Variants in IL12RB2 observed in about 807,000 individuals in gnomAD.
IL12RB2 encodes interleukin 12 receptor subunit beta 2.
IL12RB2 carries 82 observed loss-of-function variants against 89.4 expected under a neutral mutation model. The ratio of observed to expected loss-of-function variants is 0.92; its 90% CI spans 0.77 to 1.10. The LOEUF (loss-of-function observed/expected upper bound fraction) is 1.10. Among genes scored for constraint, IL12RB2 ranks in the 50% least tolerant of loss-of-function variants. IL12RB2 has a pLI of 0.00. For synonymous variants in IL12RB2, 368 were observed against 370.1 expected, an observed-to-expected ratio of 0.99 and a Z score of 0.07; for missense variants, 963 against 1,031.9, an observed-to-expected ratio of 0.93 and a Z score of 0.92.
chr1:67,352,896 C>T (rs781690604), intron 10 of IL12RB2, among the ~76,000 whole-genome samples: 3 of 152,146 alleles, frequency 2.0e-5, no homozygotes, highest in Non-Finnish European at 4.4e-5. Flanking sequence ...CTTGTACACG[C>T]TAGTGAGTGT....
At chr1:67,314,665 G>T (rs146680474) in intron 2 of IL12RB2, among the ~76,000 whole-genome samples, 53 of 152,250 alleles carry the variant, frequency 3.5e-4, no homozygotes, top group South Asian at 6.2e-4. Flanking sequence ...TATCACCTGC[G>T]AAAGGAAACT....
Position 67,338,336 on chromosome 1 carries a change from C to CAAA in IL12RB2, c.959-253_959-251dup, listed in dbSNP as rs572505092. ...GAGGCAACAGAGCAAGATCCTGTCT[C>CAAA]AAAAAAAAAAAAAAAAAAAAAAAAA... On this transcript the variant is annotated intron_variant, in intron 8 of 16. Transcript: ENST00000674203. Among the ~76,000 whole-genome samples, 196 of 40,094 alleles carry CAAA rather than the reference C, an allele frequency of 4.9e-3. 37 individuals are homozygous for CAAA. Among genetic ancestry groups the CAAA allele is most frequent in the Non-Finnish European group, 7.8e-3 (139 of 17,752 alleles). The allele number at this position is 40,094 out of a possible 152,430, so 26.3% of individuals were successfully genotyped here.
At chr1:67,371,767 C>A (rs1663356199) in intron 11 of IL12RB2, among the ~76,000 whole-genome samples, 1 of 152,174 alleles carries the variant, frequency 6.6e-6, no homozygotes, top group South Asian at 2.1e-4. Flanking sequence ...TTCCCAAGTA[C>A]CTTTTAAATC....
intron 13 of IL12RB2, among the ~76,000 whole-genome samples, chr1:67,378,624 G>A (rs1664221831): frequency 6.6e-6 from 1 of 152,034 alleles, no homozygotes; most frequent in South Asian, 2.1e-4. Flanking sequence ...GGCTGAGGCG[G>A]GCAGATCACC....
intron 2 of IL12RB2, among the ~76,000 whole-genome samples, chr1:67,320,011 C>A (rs1322183154): frequency 6.6e-6 from 1 of 152,004 alleles, no homozygotes; most frequent in Non-Finnish European, 1.5e-5. Flanking sequence ...CTTGCCAGTC[C>A]CCAGAACTGT....
chr1:67,367,550 G>A (rs1158693213), intron 10 of IL12RB2, among the ~76,000 whole-genome samples: 2 of 150,492 alleles, frequency 1.3e-5, no homozygotes, highest in Non-Finnish European at 3.0e-5. Flanking sequence ...AAGGAAGGAA[G>A]GGAAGGAAGG....
chr1:67,341,844 G>A (rs1459876840), intron 9 of IL12RB2, among the ~76,000 whole-genome samples: 1 of 152,230 alleles, frequency 6.6e-6, no homozygotes, highest in Non-Finnish European at 1.5e-5. Context: ...CAGAGTTACT[G>A]AGCAGTCCTG....
chr1:67,313,221 G>GTAGTGGAATAGC (rs17838099), intron 1 of IL12RB2, among the ~76,000 whole-genome samples: 25,921 of 152,200 alleles, frequency 0.17, 2,482 homozygotes, highest in African/African-American at 0.26. Context: ...AATAGCATCA[G>GTAGTGGAATAGC]ATACGGTTAC....
At chr1:67,321,328 C>T (rs1344632046) in intron 3 of IL12RB2, among the ~76,000 whole-genome samples, 1 of 152,034 alleles carries the variant, frequency 6.6e-6, no homozygotes, top group Non-Finnish European at 1.5e-5. Flanking sequence ...TTCTTCCAAT[C>T]CTGCTTTCTA....
chr1:67,336,963 G>A (rs1161103049), intron 8 of IL12RB2, among the ~76,000 whole-genome samples: 3 of 152,154 alleles, frequency 2.0e-5, no homozygotes, highest in Non-Finnish European at 4.4e-5. Context: ...TGTGTGATAT[G>A]TGGAATTATC....
At chr1:67,369,194 C>T (rs1373282791) in intron 11 of IL12RB2, among the ~76,000 whole-genome samples, 1 of 152,170 alleles carries the variant, frequency 6.6e-6, no homozygotes, top group African/African-American at 2.4e-5. Context: ...CCTACATAAC[C>T]TAGTCAGCAT....
intron 10 of IL12RB2, among the ~76,000 whole-genome samples, chr1:67,358,401 C>T (rs1239732095): frequency 6.6e-6 from 1 of 151,848 alleles, no homozygotes; most frequent in East Asian, 1.9e-4. Flanking sequence ...CCTGGTGAAA[C>T]CCTGTCTCTA....
intron 13 of IL12RB2, among the ~76,000 whole-genome samples, chr1:67,373,971 T>A (rs1427739974): frequency 3.3e-5 from 5 of 152,222 alleles, no homozygotes; most frequent in Non-Finnish European, 7.3e-5. Flanking sequence ...TAAATAATAC[T>A]AAAACATGAA....
chr1:67,367,000 C>G (rs1193617955), intron 10 of IL12RB2, among the ~76,000 whole-genome samples: 1 of 152,062 alleles, frequency 6.6e-6, no homozygotes, highest in Non-Finnish European at 1.5e-5. Context: ...CACTAAATTT[C>G]AAGGATAGGA....
intron 4 of IL12RB2, among the ~76,000 whole-genome samples, chr1:67,324,922 G>C (rs193257743): frequency 6.6e-6 from 1 of 152,336 alleles, no homozygotes; most frequent in Admixed American, 6.5e-5. Context: ...ATATGTCTTA[G>C]AGGAAGCTGA....
intron 13 of IL12RB2, among the ~76,000 whole-genome samples, chr1:67,379,407 A>G (rs1189993331): frequency 7.8e-4 from 95 of 121,934 alleles, no homozygotes; most frequent in East Asian, 1.1e-3. Context: ...CTACTTGGGA[A>G]GCTGAGGCAG....
chr1:67,320,214 T>A (rs780118257), intron 2 of IL12RB2, 119 bp from the exon 3 acceptor site: 24 of 1,474,772 alleles, frequency 1.6e-5, no homozygotes, highest in Non-Finnish European at 2.1e-5. Flanking sequence ...TTTTTTAAAA[T>A]AACAAGATCT....
chr1:67,356,182 C>T (rs1661372047), intron 10 of IL12RB2, among the ~76,000 whole-genome samples: 1 of 152,236 alleles, frequency 6.6e-6, no homozygotes, highest in Non-Finnish European at 1.5e-5. Context: ...ACACTGTCTA[C>T]AGGCTCTACC....
Position 67,321,880 on chromosome 1 carries a change from T to C in IL12RB2, c.355T>C (p.Phe119Leu). 1 of 1,613,572 alleles carries C rather than the reference T, an allele frequency of 6.2e-7. No individual in the cohort carries two copies. Among genetic ancestry groups the C allele is most frequent in the Non-Finnish European group, 8.5e-7 (1 of 1,179,442 alleles). The change falls in exon 4 of 17, where the codon TTC (phenylalanine) becomes CTC (leucine). Residue 119 changes from phenylalanine to leucine, a missense_variant. Physicochemically the swap from Phe to Leu is conservative, Grantham distance 22. Transcript: ENST00000674203. ...DEIQICGAEI[F>L]VGVAPEQPQN... The stretch of plus-strand genomic sequence containing the variant: ...AATTCAAATATGTGGAGCAGAGATC[T>C]TCGTTGGTGGTGAGCATTCCATTTT...
Sources: allele counts gnomAD v4.1 joint callset (sites outside exome capture counted in the v4.1 genomes callset), GRCh38; gene constraint gnomAD v4.1.1; transcripts MANE v1.5; gene names NCBI Gene and HGNC (gene_info 2026-07-23, HGNC 2026-07-21).